The following NAA40 variants were observed in gnomAD, a reference collection of about 807,000 sequenced individuals.
NAA40 encodes N-alpha-acetyltransferase 40, NatD catalytic subunit, also known as N-alpha-acetyltransferase 40.
A neutral mutation model predicts 36.6 loss-of-function variants in NAA40; 26 were observed. The observed-to-expected ratio is 0.71, with a 90% CI of 0.52 to 0.98. The LOEUF is 0.98. Ranked by LOEUF, NAA40 falls within the 50% of genes least tolerant of loss-of-function variation. The pLI, the probability that NAA40 is intolerant of heterozygous loss-of-function variation, is 0.00. For synonymous variants in NAA40, 129 were observed against 108.4 expected (o/e 1.19, Z -1.18); for missense variants, 237 against 306.5 (o/e 0.77, Z 1.69).
chr11:63,954,543 A>C lies in NAA40; in HGVS notation c.*64A>C. The C allele has an allele frequency of 9.3e-6, 14 of 1,506,598 alleles. No homozygotes were observed. The highest frequency in any genetic ancestry group is 1.2e-5 in the Non-Finnish European group (13 of 1,125,958). 93.3% of individuals were successfully genotyped at this position (1,506,598 alleles called of 1,614,324 possible). ...AAGGCCTTTCCTCTTTCCTGGTCTC[A>C]CTGTTCACCGGGTGTCCTCAGAGCT... is the stretch of plus-strand genomic sequence containing the variant. On this transcript the variant is annotated 3_prime_UTR_variant, in exon 8 of 8. Transcript: ENST00000377793.
intron 3 of NAA40, among the ~76,000 whole-genome samples, chr11:63,948,768 C>T (rs114977339): frequency 0.038 from 5,771 of 151,912 alleles, 129 homozygotes; most frequent in Middle Eastern, 0.088. Flanking sequence ...CTATGTTGCC[C>T]GGGCTGGTCT....
chr11:63,952,096 A>G (rs1365504087), intron 3 of NAA40, 142 bp from the exon 4 acceptor site: 4 of 626,430 alleles, frequency 6.4e-6, no homozygotes, highest in Non-Finnish European at 1.1e-5. Flanking sequence ...TTCTCTAGTC[A>G]TGCTGGGGCA....
chr11:63,954,601 C>G lies in NAA40; in HGVS notation c.*122C>G. On this transcript the variant is annotated 3_prime_UTR_variant, in exon 8 of 8. Transcript: ENST00000377793. ...CCCCAGCCCTGCACGTGCCAGGCTG[C>G]GCCCTGAGAGCACAGAACCCTGGGG... The G allele has an allele frequency of 8.6e-7, 1 of 1,158,944 alleles. No individual in the cohort carries two copies. Among genetic ancestry groups the G allele is most frequent in the Non-Finnish European group, 1.2e-6 (1 of 857,850 alleles). The allele number at this position is 1,158,944 out of a possible 1,614,324, so 71.8% of individuals were successfully genotyped here.
intron 2 of NAA40, 81 bp downstream of exon 2, chr11:63,946,016 G>A: frequency 1.5e-6 from 2 of 1,322,946 alleles, no homozygotes; most frequent in South Asian, 1.2e-5. Context: ...TCTCCACCCT[G>A]TGGCAGAATT....
intron 1 of NAA40, among the ~76,000 whole-genome samples, chr11:63,944,902 CAA>C (rs113133922): frequency 4.0e-5 from 5 of 126,078 alleles, no homozygotes; most frequent in Non-Finnish European, 4.9e-5. Flanking sequence ...GACTCCATCT[CAA>C]AAAAAAAAAA....
intron 3 of NAA40, among the ~76,000 whole-genome samples, chr11:63,947,697 C>T (rs1019054894): frequency 5.5e-5 from 8 of 144,800 alleles, no homozygotes; most frequent in Non-Finnish European, 1.0e-4. Flanking sequence ...ATTATAGGTG[C>T]GTGCCACCAC....
chr11:63,947,725 G>A, intron 3 of NAA40, among the ~76,000 whole-genome samples: 1 of 41,470 alleles, frequency 2.4e-5, no homozygotes, highest in Non-Finnish European at 5.3e-5. Context: ...TAATTTTTGT[G>A]GGTTTTTTTT....
chr11:63,944,498 T>A (rs1942155421), intron 1 of NAA40, among the ~76,000 whole-genome samples: 1 of 152,120 alleles, frequency 6.6e-6, no homozygotes, highest in Admixed American at 6.6e-5. Context: ...TAGCCTTTTA[T>A]TGAACACATA....
chr11:63,952,527 C>T lies in NAA40; in HGVS notation c.372C>T (p.Phe124=). 2 of 1,614,116 alleles carry T rather than the reference C, an allele frequency of 1.2e-6. No homozygotes were observed. The highest frequency in any genetic ancestry group is 1.7e-6 in the Non-Finnish European group (2 of 1,180,034). The change falls in exon 5 of 8, where the codon TTC becomes TTT. Residue 124 remains phenylalanine (F), a synonymous_variant. Coordinates refer to ENST00000377793, the MANE Select transcript of NAA40 (RefSeq NM_024771.4). ...NSSVPVAFSH[F]RFDVECGDEV... ...CCGTCCCTGTTGCCTTTTCTCACTTCCGGTTTGACGTGGAGTGTGGGGATG... is the reference window on the plus strand; with the variant it reads ...CCGTCCCTGTTGCCTTTTCTCACTTTCGGTTTGACGTGGAGTGTGGGGATG...
intron 3 of NAA40, among the ~76,000 whole-genome samples, chr11:63,949,945 C>T (rs1182961624): frequency 6.6e-6 from 1 of 151,310 alleles, no homozygotes; most frequent in African/African-American, 2.4e-5. Context: ...GGGGTTTCAC[C>T]GTGTTAGCCA....
chr11:63,939,555 A>T, intron 1 of NAA40: 1 of 933,278 alleles, frequency 1.1e-6, no homozygotes, highest in Non-Finnish European at 1.3e-6. Flanking sequence ...CGGGGGCGTC[A>T]GACCCCACCT....
intron 7 of NAA40, 122 bp downstream of exon 7, chr11:63,954,171 A>G (rs1014132852): frequency 2.5e-5 from 33 of 1,324,120 alleles, no homozygotes; most frequent in Non-Finnish European, 3.3e-5. Flanking sequence ...ATGGGGGTTC[A>G]GGTTCAGGGA....
intron 1 of NAA40, among the ~76,000 whole-genome samples, chr11:63,945,226 C>T (rs1374491760): frequency 3.3e-5 from 5 of 152,166 alleles, no homozygotes; most frequent in African/African-American, 1.2e-4. Flanking sequence ...TGCCCTCTGC[C>T]CTGTCACTGG....
chr11:63,951,565 C>T (rs1030478736), intron 3 of NAA40, among the ~76,000 whole-genome samples: 2 of 152,182 alleles, frequency 1.3e-5, no homozygotes, highest in Non-Finnish European at 1.5e-5. Flanking sequence ...AGGCTAGTCT[C>T]GAACTCCTGA....
chr11:63,946,174 T>G (rs1942183510), intron 2 of NAA40: 1 of 546,750 alleles, frequency 1.8e-6, no homozygotes, highest in African/African-American at 1.9e-5. Context: ...CTGTGGATCT[T>G]CTTCCTTATG....
rs1478449565 is a variant in NAA40, at chr11:63,946,256, A to G, written c.102+321A>G. 2.6e-5 allele frequency: 8 copies of G among 304,874 alleles called. No homozygotes were observed. The East Asian group carries it at 4.8e-4, about 18-fold the overall frequency. The allele number at this position is 304,874 out of a possible 1,614,324, so 18.9% of individuals were successfully genotyped here. ...GGTCTCACTCTGTCATCCAGGCTGG[A>G]ATGCAGTGGCACTATCTCGGCTCAC... is the stretch of plus-strand genomic sequence containing the variant. On this transcript the variant is annotated intron_variant, in intron 2 of 7. Coordinates refer to ENST00000377793, the MANE Select transcript of NAA40 (RefSeq NM_024771.4).
intron 6 of NAA40, among the ~76,000 whole-genome samples, chr11:63,953,621 T>C (rs1232716178): frequency 6.6e-6 from 1 of 152,054 alleles, no homozygotes; most frequent in Non-Finnish European, 1.5e-5. Flanking sequence ...CCTTAGTCTC[T>C]GTGTCTTTTC....
chr11:63,950,477 G>A (rs1210708962), intron 3 of NAA40, among the ~76,000 whole-genome samples: 3 of 148,752 alleles, frequency 2.0e-5, no homozygotes, highest in African/African-American at 2.5e-5. Flanking sequence ...TAGTGTTTTC[G>A]TTTTTGTTTT....
chr11:63,943,335 G>T (rs1239760769), intron 1 of NAA40, among the ~76,000 whole-genome samples: 1 of 152,174 alleles, frequency 6.6e-6, no homozygotes, highest in African/African-American at 2.4e-5. Context: ...GTGTATAGCG[G>T]CACTGTGTTG....
Sources: allele counts gnomAD v4.1 joint callset (sites outside exome capture counted in the v4.1 genomes callset), GRCh38; gene constraint gnomAD v4.1.1; transcripts MANE v1.5; gene names NCBI Gene and HGNC (gene_info 2026-07-23, HGNC 2026-07-21).